The following PHF21A variants were observed in gnomAD, a reference collection of about 807,000 sequenced individuals.
The protein encoded by PHF21A is BHC80a.
In PHF21A, 11 loss-of-function variants were observed where a neutral mutation model predicts 82.5. The observed-to-expected ratio is 0.13, with a 90% CI of 0.08 to 0.22. The LOEUF (loss-of-function observed/expected upper bound fraction) is 0.22, where lower values mean the gene tolerates loss of function less well. PHF21A is among the 10% of genes least tolerant of loss of function. The pLI, the probability that PHF21A is intolerant of heterozygous loss-of-function variation, is 1.00. For synonymous variants in PHF21A, 297 were observed against 302.8 expected, an observed-to-expected ratio of 0.98 and a Z score of 0.20; for missense variants, 579 against 837.8, an observed-to-expected ratio of 0.69 and a Z score of 3.81.
rs773126783 is a variant in PHF21A at position 46,079,174 on chromosome 11, T to TA, written c.55-9dup. 4 of 1,595,148 alleles carry TA rather than the reference T, an allele frequency of 2.5e-6. No homozygotes were observed. In the Admixed American group the frequency reaches 5.1e-5, roughly 20 times the overall value. ...CATTTGAGCAACCAGTTTCTGGTAATAAAGAGAGAAAAAGAGCCATCAGTC... is the reference window on the plus strand; with the variant it reads ...CATTTGAGCAACCAGTTTCTGGTAATAAAAGAGAGAAAAAGAGCCATCAGTC... On this transcript the variant is annotated splice_polypyrimidine_tract_variant and intron_variant, in intron 4 of 18. Transcript: ENST00000676320.
chr11:45,934,350 C>T (rs1037022503), intron 18 of PHF21A, 125 bp from the exon 19 acceptor site: 127 of 978,814 alleles, frequency 1.3e-4, no homozygotes, highest in Non-Finnish European at 1.4e-4. Flanking sequence ...CTGTGCAGCC[C>T]CTGGGCCTTG....
intron 11 of PHF21A, among the ~76,000 whole-genome samples, chr11:45,951,970 C>G (rs1238886621): frequency 6.6e-6 from 1 of 152,074 alleles, no homozygotes; most frequent in African/African-American, 2.4e-5. Context: ...CTGCATCCAG[C>G]TAATTTTTGT....
intron 14 of PHF21A, among the ~76,000 whole-genome samples, chr11:45,947,667 CCT>C (rs927347528): frequency 3.9e-5 from 6 of 152,170 alleles, no homozygotes; most frequent in African/African-American, 1.2e-4. Context: ...TCATTTAACC[CCT>C]GTCCTCTTAG....
intron 10 of PHF21A, among the ~76,000 whole-genome samples, chr11:45,958,396 CAAAAA>C (rs1159762183): frequency 9.4e-4 from 1 of 1,066 alleles, no homozygotes; most frequent in Non-Finnish European, 1.7e-3. Flanking sequence ...AACCTGGTCT[CAAAAA>C]AAAAAAAAAA....
At chr11:46,081,997 T>C (rs1168219752) in intron 4 of PHF21A, among the ~76,000 whole-genome samples, 1 of 152,118 alleles carries the variant, frequency 6.6e-6, no homozygotes, top group East Asian at 1.9e-4. Context: ...ACCCTGAAAA[T>C]TTAAATGTGA....
intron 6 of PHF21A, among the ~76,000 whole-genome samples, chr11:45,986,867 A>G (rs2094506371): frequency 6.6e-6 from 1 of 152,194 alleles, no homozygotes; most frequent in African/African-American, 2.4e-5. Flanking sequence ...TAATCATTTT[A>G]ATGCTAGTTC....
intron 10 of PHF21A, among the ~76,000 whole-genome samples, chr11:45,959,328 T>C (rs1297950388): frequency 6.6e-6 from 1 of 152,238 alleles, no homozygotes; most frequent in Non-Finnish European, 1.5e-5. Context: ...ACCTTATACA[T>C]ATACAGTTTT....
At chr11:46,089,743 T>G (rs959995805) in intron 3 of PHF21A, among the ~76,000 whole-genome samples, 3 of 145,820 alleles carry the variant, frequency 2.1e-5, no homozygotes, top group African/African-American at 7.7e-5. Flanking sequence ...ACATTTATGA[T>G]ATCTAAATGT....
At chr11:45,987,251 A>AATGTATGT (rs57573859) in intron 6 of PHF21A, among the ~76,000 whole-genome samples, 1,855 of 148,548 alleles carry the variant, frequency 0.012, 17 homozygotes, top group Admixed American at 0.034. Flanking sequence ...ATCATAAATA[A>AATGTATGT]ATGTATGTAT....
chr11:46,015,229 AGATTCTG>A (rs1476717691), intron 6 of PHF21A, among the ~76,000 whole-genome samples: 3 of 152,098 alleles, frequency 2.0e-5, no homozygotes, highest in African/African-American at 7.2e-5. Flanking sequence ...AGTTCCTTAC[AGATTCTG>A]GATATTAATC....
chr11:46,031,026 C>T (rs949618270), intron 6 of PHF21A, among the ~76,000 whole-genome samples: 1 of 152,218 alleles, frequency 6.6e-6, no homozygotes, highest in Non-Finnish European at 1.5e-5. Context: ...AGAGCCTACA[C>T]CAGTGAGTGA....
intron 6 of PHF21A, among the ~76,000 whole-genome samples, chr11:46,004,706 G>A (rs542638371): frequency 6.6e-6 from 1 of 152,236 alleles, no homozygotes; most frequent in South Asian, 2.1e-4. Context: ...TACTGTGGAT[G>A]AGGGCTGTAT....
chr11:46,076,696 G>A (rs2096729682), intron 6 of PHF21A, 58 bp downstream of exon 6: 2 of 1,344,966 alleles, frequency 1.5e-6, no homozygotes, highest in South Asian at 1.3e-5. Context: ...GAAGCCTCGA[G>A]CAGACATATC....
chr11:45,962,164 T>G (rs2093127318), intron 10 of PHF21A, among the ~76,000 whole-genome samples: 1 of 152,192 alleles, frequency 6.6e-6, no homozygotes, highest in African/African-American at 2.4e-5. Context: ...CCACCTTATA[T>G]ATAGACATCA....
chr11:45,978,363 C>CTAA (rs1228084249), intron 7 of PHF21A, among the ~76,000 whole-genome samples: 43 of 151,948 alleles, frequency 2.8e-4, no homozygotes, highest in African/African-American at 1.0e-3. Flanking sequence ...TAATAACTTC[C>CTAA]TCTTAGGATT....
At chr11:45,939,712 C>A (rs1423914124) in intron 15 of PHF21A, among the ~76,000 whole-genome samples, 1 of 122,518 alleles carries the variant, frequency 8.2e-6, no homozygotes, top group African/African-American at 3.2e-5. Context: ...AGCCTCTGAA[C>A]AGAAGGCACC....
intron 1 of PHF21A, chr11:46,118,033 G>A (rs1224051865): frequency 6.6e-6 from 1 of 152,178 alleles, no homozygotes; most frequent in Non-Finnish European, 1.5e-5. Context: ...TTATCTTGCT[G>A]TAGCACCTCC....
chr11:45,938,618 A>C (rs1462655330), intron 15 of PHF21A, among the ~76,000 whole-genome samples: 1 of 152,176 alleles, frequency 6.6e-6, no homozygotes, highest in Non-Finnish European at 1.5e-5. Context: ...ACACAGACCC[A>C]CAATAAAGTT....
At chr11:46,101,940 C>A (rs2097102083) in intron 1 of PHF21A, among the ~76,000 whole-genome samples, 1 of 151,934 alleles carries the variant, frequency 6.6e-6, no homozygotes, top group South Asian at 2.1e-4. Context: ...TCACTACAAC[C>A]TCTGACTCCT....
Sources: allele counts gnomAD v4.1 joint callset (sites outside exome capture counted in the v4.1 genomes callset), GRCh38; gene constraint gnomAD v4.1.1; transcripts MANE v1.5; gene names NCBI Gene and HGNC (gene_info 2026-07-23, HGNC 2026-07-21).